SLAMF8: variants seen among roughly 807,000 people sequenced by gnomAD.
SLAMF8 encodes SLAM family member 8, also known as B lymphocyte activator macrophage expressed.
SLAMF8 carries 23 observed loss-of-function variants against 29.0 expected under a neutral mutation model. The observed-to-expected ratio is 0.79, with a 90% CI of 0.57 to 1.13. SLAMF8 has a LOEUF of 1.13. SLAMF8 is among the 50% of genes most tolerant of loss of function. SLAMF8 has a pLI of 0.00. For synonymous variants in SLAMF8, 139 were observed against 145.6 expected, an observed-to-expected ratio of 0.96 and a Z score of 0.32; for missense variants, 381 against 353.1, an observed-to-expected ratio of 1.08 and a Z score of -0.63.
intron 2 of SLAMF8, among the ~76,000 whole-genome samples, chr1:159,831,320 C>T (rs1415519447): frequency 7.9e-5 from 12 of 152,048 alleles, no homozygotes; most frequent in Admixed American, 4.6e-4. Context: ...TGAATCCCCC[C>T]GAGACAGCTA....
chr1:159,834,948 C>T, intron 4 of SLAMF8: 1 of 472,548 alleles, frequency 2.1e-6, no homozygotes, highest in Non-Finnish European at 3.8e-6. Context: ...CCTAACTTTC[C>T]ATACCTTCTA....
intron 2 of SLAMF8, 126 bp from the exon 3 acceptor site, chr1:159,832,750 C>T (rs2101793916): frequency 7.6e-6 from 8 of 1,052,522 alleles, no homozygotes; most frequent in Middle Eastern, 2.5e-4. Context: ...GAAAGCCAGA[C>T]AAGATTTTGG....
In SLAMF8 at chr1:159,833,329, G is replaced by A. The variant is rs150125700; in HGVS notation, c.741G>A (p.Leu247=). Residue 247 remains leucine (L), a synonymous_variant, in exon 4 of 5, where the codon CTG becomes CTA. Transcript: ENST00000289707. The part of the protein sequence containing the change: ...VVVPVSLLLM[L]VTLFSAWHWC... ...TGCCTGTCTCGCTGCTCCTGATGCTGGTTACTCTCTTCTCTGCCTGGCACT... is the reference window on the plus strand; with the variant it reads ...TGCCTGTCTCGCTGCTCCTGATGCTAGTTACTCTCTTCTCTGCCTGGCACT... 3.3e-5 allele frequency: 54 copies of A among 1,614,140 alleles called. No homozygotes were observed. In the African/African-American group the frequency reaches 6.5e-4, roughly 20 times the overall value.
rs145797656 is a variant in SLAMF8 at position 159,829,982 on chromosome 1, C to T, written c.157C>T (p.Leu53Phe). 14 of 1,614,264 alleles carry T rather than the reference C, an allele frequency of 8.7e-6. No individual in the cohort carries two copies. The African/African-American group carries it at 1.7e-4, about 20-fold the overall frequency. ...AGTCCGTGAGGCTATCTGGCGATCT[C>T]TCTGGCCTTCAGAAGAGCTCCTGGC... Reference protein sequence around the residue: ...FQVREAIWRSLWPSEELLATF... With the variant: ...FQVREAIWRSFWPSEELLATF... The change falls in exon 2 of 5, where the codon CTC (leucine) becomes TTC (phenylalanine). Residue 53 changes from leucine (L) to phenylalanine (F), a missense_variant. Coordinates refer to ENST00000289707, the MANE Select transcript of SLAMF8 (RefSeq NM_020125.3).
At position 159,835,373 on chromosome 1, in the gene SLAMF8, G is replaced by C; in HGVS notation, c.*113G>C. The C allele has an allele frequency of 6.9e-7, 1 of 1,452,366 alleles. No homozygotes were observed. Among genetic ancestry groups the C allele is most frequent in the Non-Finnish European group, 9.1e-7 (1 of 1,102,944 alleles). The allele number at this position is 1,452,366 out of a possible 1,614,324, so 90.0% of individuals were successfully genotyped here. On this transcript the variant is annotated 3_prime_UTR_variant, in exon 5 of 5. Transcript: ENST00000289707. ...ACCATGGTCCTCATATCTCCCATGGGAATCCTGTCCTGCCTCGAAGGAGCA... is the reference window on the plus strand; with the variant it reads ...ACCATGGTCCTCATATCTCCCATGGCAATCCTGTCCTGCCTCGAAGGAGCA...
chr1:159,833,468 C>T, intron 4 of SLAMF8, 99 bp downstream of exon 4: 1 of 1,534,236 alleles, frequency 6.5e-7, no homozygotes, highest in South Asian at 1.2e-5. Flanking sequence ...AGATGGTCTG[C>T]CCCTTCCTAC....
Position 159,829,746 on chromosome 1 carries a change from A to C in SLAMF8, c.41-120A>C, listed in dbSNP as rs1158912673. 6 of 1,066,324 alleles carry C rather than the reference A, an allele frequency of 5.6e-6. No homozygotes were observed. In the Admixed American group the frequency reaches 1.5e-4, roughly 26 times the overall value. 66.1% of individuals were successfully genotyped at this position (1,066,324 alleles called of 1,614,324 possible). ...TGGTACCTAGCACAGTGCAACCTCA[A>C]CTTGAGTGGAGGGAATGTCAGTGGA... On this transcript the variant is annotated intron_variant, in intron 1 of 4. Transcript: ENST00000289707.
chr1:159,834,874 C>A, intron 4 of SLAMF8: 1 of 276,340 alleles, frequency 3.6e-6, no homozygotes, highest in East Asian at 7.6e-5. Flanking sequence ...GCAGGGAGTC[C>A]AGAAGCTGGT....
In SLAMF8 at chr1:159,830,191, C is replaced by A. The variant is rs199758683; in HGVS notation, c.366C>A (p.Tyr122Ter). 1 of 1,586,680 alleles carries A rather than the reference C, an allele frequency of 6.3e-7. No individual in the cohort carries two copies. Among genetic ancestry groups the A allele is most frequent in the South Asian group, 1.1e-5 (1 of 88,214 alleles). Reference sequence around the variant, plus strand: ...CCCAGACCCTCCAGCTCAAGGTGTACGGTGAGTGTGTCTGACACTGGCTGC... The same window carrying A: ...CCCAGACCCTCCAGCTCAAGGTGTAAGGTGAGTGTGTCTGACACTGGCTGC... ...PWTQTLQLKV[Y>*]DAVPRPVVQV... Residue 122 changes from tyrosine (Y) to a stop codon, truncating the protein, a stop_gained and splice_region_variant, in exon 2 of 5, where the codon TAC becomes TAA. Transcript: ENST00000289707. LOFTEE classifies it high-confidence loss of function.
Position 159,835,327 on chromosome 1 carries a change from C to T in SLAMF8, c.*67C>T. ...TGCACAGGCACACGATGCTCTGGGA[C>T]ATAACTGGTGCCTGGAAATCACCAT... On this transcript the variant is annotated 3_prime_UTR_variant, in exon 5 of 5. Coordinates refer to ENST00000289707, the MANE Select transcript of SLAMF8 (RefSeq NM_020125.3). 3 of 1,561,406 alleles carry T rather than the reference C, an allele frequency of 1.9e-6. No individual in the cohort carries two copies. The highest frequency in any genetic ancestry group is 2.4e-5 in the South Asian group (2 of 82,780).
chr1:159,829,137 G>A (rs534965782), intron 1 of SLAMF8, among the ~76,000 whole-genome samples: 14 of 152,148 alleles, frequency 9.2e-5, no homozygotes, highest in South Asian at 4.2e-4. Context: ...TCAAGTTGCC[G>A]TCACTTCTCC....
At chr1:159,829,758 G>C in intron 1 of SLAMF8, 108 bp from the exon 2 acceptor site, 2 of 1,167,882 alleles carry the variant, frequency 1.7e-6, no homozygotes, top group Non-Finnish European at 2.4e-6. Flanking sequence ...TTGAGTGGAG[G>C]GAATGTCAGT....
At chr1:159,828,793 G>A (rs1647252078) in intron 1 of SLAMF8, among the ~76,000 whole-genome samples, 2 of 152,130 alleles carry the variant, frequency 1.3e-5, no homozygotes, top group Admixed American at 1.3e-4. Context: ...GGGGAGGTCG[G>A]AGGAGGCAGT....
Position 159,832,930 on chromosome 1 carries a change from A to G in SLAMF8, c.422A>G (p.Gln141Arg), listed in dbSNP as rs777623735. 6.2e-7 allele frequency: 1 copy of G among 1,614,234 alleles called. No homozygotes were observed. The highest frequency in any genetic ancestry group is 1.7e-5 in the Admixed American group (1 of 60,032). The change falls in exon 3 of 5, where the codon CAG becomes CGG. Residue 141 changes from glutamine (Q) to arginine (R), a missense_variant. Gln to Arg is a conservative substitution (Grantham distance 43). Transcript: ENST00000289707. ...QVFIAVERDA[Q>R]PSKTCQVFLS... ...TTCATTGCTGTAGAAAGGGATGCTC[A>G]GCCCTCCAAGACCTGCCAGGTTTTC...
chr1:159,827,579 C>T (rs1202671666), intron 1 of SLAMF8, among the ~76,000 whole-genome samples: 2 of 152,162 alleles, frequency 1.3e-5, no homozygotes, highest in Admixed American at 6.5e-5. Flanking sequence ...GGTCAACAAG[C>T]AGCCAACATG....
In SLAMF8 at chr1:159,836,175, T is replaced by A; in HGVS notation, c.*915T>A. The A allele has an allele frequency of 1.0e-6, 1 of 985,388 alleles. No homozygotes were observed. Among genetic ancestry groups the A allele is most frequent in the Non-Finnish European group, 1.2e-6 (1 of 829,924 alleles). 61.0% of individuals were successfully genotyped at this position (985,388 alleles called of 1,614,324 possible). ...CTGAAACTGAGAGAGTGAAGAACCATAAAACGCTATGCAGAAGGAACATTA... is the reference window on the plus strand; with the variant it reads ...CTGAAACTGAGAGAGTGAAGAACCAAAAAACGCTATGCAGAAGGAACATTA... On this transcript the variant is annotated 3_prime_UTR_variant, in exon 5 of 5. Transcript: ENST00000289707.
chr1:159,835,404 G>C lies in SLAMF8; in HGVS notation c.*144G>C. 3 of 1,411,790 alleles carry C rather than the reference G, an allele frequency of 2.1e-6. No homozygotes were observed. The highest frequency in any genetic ancestry group is 2.8e-6 in the Non-Finnish European group (3 of 1,083,184). The allele number at this position is 1,411,790 out of a possible 1,614,324, so 87.5% of individuals were successfully genotyped here. ...TGTCCTGCCTCGAAGGAGCAGCCTG[G>C]GCAGCCATCACACCACGAGGACAGG... On this transcript the variant is annotated 3_prime_UTR_variant, in exon 5 of 5. Transcript: ENST00000289707.
rs1557893903 is a variant in SLAMF8 at position 159,836,053 on chromosome 1, A to G, written c.*793A>G. The G allele has an allele frequency of 2.0e-6, 2 of 985,432 alleles. No individual in the cohort carries two copies. Among genetic ancestry groups the G allele is most frequent in the East Asian group, 1.1e-4 (1 of 8,818 alleles). 61.0% of individuals were successfully genotyped at this position (985,432 alleles called of 1,614,324 possible). ...AGAGTCTTTCCTCACGCTCCAGCAC[A>G]GTGGCCAGGAAAAGAAATACTGAAT... On this transcript the variant is annotated 3_prime_UTR_variant, in exon 5 of 5. Coordinates refer to ENST00000289707, the MANE Select transcript of SLAMF8 (RefSeq NM_020125.3).
rs1571147076 is a variant in SLAMF8 at position 159,836,159 on chromosome 1, A to C, written c.*899A>C. ...GGATGAGTCTTCCTGCCTGAAACTG[A>C]GAGAGTGAAGAACCATAAAACGCTA... is the stretch of plus-strand genomic sequence containing the variant. On this transcript the variant is annotated 3_prime_UTR_variant, in exon 5 of 5. Transcript: ENST00000289707. 1 of 985,336 alleles carries C rather than the reference A, an allele frequency of 1.0e-6. No homozygotes were observed. Among genetic ancestry groups the C allele is most frequent in the Admixed American group, 6.1e-5 (1 of 16,290 alleles). 61.0% of individuals were successfully genotyped at this position (985,336 alleles called of 1,614,324 possible).
Sources: allele counts gnomAD v4.1 joint callset (sites outside exome capture counted in the v4.1 genomes callset), GRCh38; gene constraint gnomAD v4.1.1; transcripts MANE v1.5; gene names NCBI Gene and HGNC (gene_info 2026-07-23, HGNC 2026-07-21).